FAIM2: variants seen among roughly 807,000 people sequenced by gnomAD.
FAIM2 encodes Fas apoptotic inhibitory molecule 2.
A neutral mutation model predicts 47.4 loss-of-function variants in FAIM2; 27 were observed. The ratio of observed to expected loss-of-function variants is 0.57; its 90% CI spans 0.42 to 0.78. FAIM2 has a LOEUF of 0.78. Ranked by LOEUF, FAIM2 falls within the 30% of genes least tolerant of loss-of-function variation. The pLI is 0.00. For missense variants in FAIM2, 311 were observed against 389.4 expected (o/e 0.80, Z 1.69); for synonymous variants, 156 against 159.3 (o/e 0.98, Z 0.16).
chr12:49,887,309 A>T, intron 11 of FAIM2, 77 bp downstream of exon 11: 1 of 1,315,966 alleles, frequency 7.6e-7, no homozygotes, highest in South Asian at 1.2e-5. Context: ...GCTGTGAGGA[A>T]GATGGGAGGA....
intron 2 of FAIM2, among the ~76,000 whole-genome samples, chr12:49,900,670 C>G (rs974476050): frequency 7.9e-5 from 12 of 152,134 alleles, no homozygotes; most frequent in Non-Finnish European, 1.5e-5. Flanking sequence ...CCTGGGGCCT[C>G]CGTGGAGACC....
intron 5 of FAIM2, among the ~76,000 whole-genome samples, chr12:49,891,921 T>C (rs1206926275): frequency 6.6e-6 from 1 of 152,126 alleles, no homozygotes; most frequent in African/African-American, 2.4e-5. Flanking sequence ...AGATGATGGC[T>C]GGGGACCCAA....
intron 11 of FAIM2, among the ~76,000 whole-genome samples, chr12:49,883,832 C>G (rs1946842553): frequency 6.6e-6 from 1 of 152,088 alleles, no homozygotes; most frequent in Non-Finnish European, 1.5e-5. Context: ...GTATCCAATA[C>G]TTCTGGGAGT....
intron 5 of FAIM2, among the ~76,000 whole-genome samples, chr12:49,895,747 A>C (rs905396610): frequency 6.6e-6 from 1 of 152,142 alleles, no homozygotes; most frequent in African/African-American, 2.4e-5. Context: ...CCCATCTCTG[A>C]GGCTACTCTG....
chr12:49,876,193 T>C (rs1946735326), intron 11 of FAIM2, among the ~76,000 whole-genome samples: 1 of 152,152 alleles, frequency 6.6e-6, no homozygotes, highest in Non-Finnish European at 1.5e-5. Flanking sequence ...GAGTTACTGA[T>C]CATTGACCAC....
intron 11 of FAIM2, among the ~76,000 whole-genome samples, chr12:49,882,241 G>A (rs1242638671): frequency 6.6e-6 from 1 of 152,156 alleles, no homozygotes; most frequent in Non-Finnish European, 1.5e-5. Context: ...GGGCAGGATG[G>A]GCAGACGAGA....
rs1472396012 is a variant in FAIM2 at position 49,867,220 on chromosome 12, GC to G, written c.*3283del. On this transcript the variant is annotated 3_prime_UTR_variant, in exon 12 of 12. Transcript: ENST00000320634. ...CTGAGGAGAGCTCGGGCCAGATCCT[GC>G]CCCCAACCTCCAGCCACATGGGCCC... The G allele has an allele frequency of 1.3e-5, 2 of 152,194 alleles. No individual in the cohort carries two copies. Among genetic ancestry groups the G allele is most frequent in the East Asian group, 1.9e-4 (1 of 5,188 alleles). 9.4% of individuals were successfully genotyped at this position (152,194 alleles called of 1,614,324 possible).
chr12:49,899,428 CAA>C (rs1946965541), intron 2 of FAIM2, among the ~76,000 whole-genome samples: 1 of 152,196 alleles, frequency 6.6e-6, no homozygotes, highest in Non-Finnish European at 1.5e-5. Context: ...CACTCAAGTT[CAA>C]GTTTCTTAAG....
At chr12:49,897,310 C>T (rs983757369) in intron 4 of FAIM2, among the ~76,000 whole-genome samples, 7 of 152,176 alleles carry the variant, frequency 4.6e-5, no homozygotes, top group Non-Finnish European at 1.0e-4. Context: ...CACACAGACA[C>T]CCAGAAGGCA....
At chr12:49,892,498 C>A (rs1299005607) in intron 5 of FAIM2, among the ~76,000 whole-genome samples, 4 of 152,198 alleles carry the variant, frequency 2.6e-5, no homozygotes, top group Admixed American at 2.0e-4. Context: ...GCTGGCTCTG[C>A]CACATCACAG....
chr12:49,892,835 G>C (rs1190871086), intron 5 of FAIM2, among the ~76,000 whole-genome samples: 2 of 152,186 alleles, frequency 1.3e-5, no homozygotes, highest in Non-Finnish European at 2.9e-5. Flanking sequence ...TCAGACACAA[G>C]TAATGTTCAA....
intron 3 of FAIM2, 75 bp downstream of exon 3, chr12:49,897,912 G>A: frequency 1.8e-6 from 2 of 1,124,622 alleles, no homozygotes; most frequent in Admixed American, 1.7e-5. Context: ...TGCAGGCAGA[G>A]GGTTGGGCCA....
intron 2 of FAIM2, among the ~76,000 whole-genome samples, chr12:49,900,882 C>G (rs544554571): frequency 2.0e-5 from 3 of 152,132 alleles, no homozygotes; most frequent in South Asian, 4.1e-4. Flanking sequence ...AGCATGGTGA[C>G]TTGAAAAAAA....
At chr12:49,879,392 A>G (rs1389688728) in intron 11 of FAIM2, among the ~76,000 whole-genome samples, 1 of 136,782 alleles carries the variant, frequency 7.3e-6, no homozygotes, top group African/African-American at 2.8e-5. Context: ...GTATGTGGGT[A>G]TGTGTCCATG....
intron 11 of FAIM2, among the ~76,000 whole-genome samples, chr12:49,879,835 C>T (rs1946792845): frequency 7.0e-6 from 1 of 143,804 alleles, no homozygotes; most frequent in Non-Finnish European, 1.5e-5. Flanking sequence ...TATGTGCGTG[C>T]ATGTGTGAGT....
rs1379036920 is a variant in FAIM2, at chr12:49,890,671, A to G, written c.525+12T>C. 1 of 1,613,370 alleles carries G rather than the reference A, an allele frequency of 6.2e-7. No individual in the cohort carries two copies. The highest frequency in any genetic ancestry group is 8.5e-7 in the Non-Finnish European group (1 of 1,179,458). Reference sequence around the variant, plus strand: ...CTCAGCGTCTGTCCTCAGCACACCCAGGATCACTTACAAAGACGGTCAGGA... The same window carrying G: ...CTCAGCGTCTGTCCTCAGCACACCCGGGATCACTTACAAAGACGGTCAGGA... On this transcript the variant is annotated intron_variant, in intron 7 of 11. Coordinates refer to ENST00000320634, the MANE Select transcript of FAIM2 (RefSeq NM_012306.4).
chr12:49,872,305 G>A (rs181296110), intron 11 of FAIM2, among the ~76,000 whole-genome samples: 1 of 151,126 alleles, frequency 6.6e-6, no homozygotes, highest in Non-Finnish European at 1.5e-5. Flanking sequence ...TGAGGCTTAA[G>A]TAGGAGTTTG....
intron 10 of FAIM2, 90 bp downstream of exon 10, chr12:49,889,017 C>T (rs2137097891): frequency 4.2e-6 from 4 of 961,800 alleles, no homozygotes; most frequent in East Asian, 2.6e-5. Flanking sequence ...GGCTCCTGGC[C>T]TTCCCTGGCG....
chr12:49,878,330 G>A (rs1346644529), intron 11 of FAIM2, among the ~76,000 whole-genome samples: 1 of 135,466 alleles, frequency 7.4e-6, no homozygotes, highest in African/African-American at 2.8e-5. Flanking sequence ...GTGTATTTGT[G>A]TGCATGTGAG....
Sources: allele counts gnomAD v4.1 joint callset (sites outside exome capture counted in the v4.1 genomes callset), GRCh38; gene constraint gnomAD v4.1.1; transcripts MANE v1.5; gene names NCBI Gene and HGNC (gene_info 2026-07-23, HGNC 2026-07-21).